USP26: variants seen among roughly 807,000 people sequenced by gnomAD.
USP26 encodes the protein ubiquitin specific peptidase 26.
For missense variants in USP26, 649 were observed against 642.3 expected, an observed-to-expected ratio of 1.01 and a Z score of -0.11; for synonymous variants, 236 against 240.6, an observed-to-expected ratio of 0.98 and a Z score of 0.18.
intron 5 of USP26, among the ~76,000 whole-genome samples, chrX:133,075,180 A>C (rs1049446899): frequency 1.8e-4 from 20 of 111,814 alleles, no homozygotes; most frequent in Middle Eastern, 4.6e-3. Flanking sequence ...GCAAAGCTAG[A>C]ACAAGTTGCA....
intron 5 of USP26, among the ~76,000 whole-genome samples, chrX:133,058,430 G>A (rs1011178059): frequency 3.7e-4 from 41 of 111,576 alleles, no homozygotes; most frequent in African/African-American, 1.3e-3. Context: ...AGTTCTATCA[G>A]CTTTTGTCTT....
intron 5 of USP26, among the ~76,000 whole-genome samples, chrX:133,083,173 C>T (rs2067575886): frequency 8.9e-6 from 1 of 111,924 alleles, no homozygotes; most frequent in African/African-American, 3.2e-5. Flanking sequence ...ATTATCAACT[C>T]CTCTGGAATA....
chrX:133,083,248 T>A (rs1454792113), intron 5 of USP26, among the ~76,000 whole-genome samples: 4 of 112,206 alleles, frequency 3.6e-5, no homozygotes. Flanking sequence ...CTCTGTGATC[T>A]CTTGATATTT....
Position 133,025,478 on chromosome X carries a change from C to T in USP26, c.*1G>A. ...TCTGTACAAGGAGGAGTACGTTCCTCTTATTCCTTCTGAAGGGTCTCCTCT... is the reference window on the plus strand; with the variant it reads ...TCTGTACAAGGAGGAGTACGTTCCTTTTATTCCTTCTGAAGGGTCTCCTCT... On this transcript the variant is annotated 3_prime_UTR_variant, in exon 6 of 6. Coordinates refer to ENST00000511190, the MANE Select transcript of USP26 (RefSeq NM_031907.3). 5 of 1,211,068 alleles carry T rather than the reference C, an allele frequency of 4.1e-6. No homozygotes were observed. Among genetic ancestry groups the T allele is most frequent in the Non-Finnish European group, 5.6e-6 (5 of 895,310 alleles).
intron 5 of USP26, among the ~76,000 whole-genome samples, chrX:133,031,227 G>A (rs2067375245): frequency 8.9e-6 from 1 of 112,198 alleles, no homozygotes; most frequent in Non-Finnish European, 1.9e-5. Context: ...CATGAATGCA[G>A]TAAGTGGAAA....
chrX:133,067,107 A>AACAG (rs1458376833), intron 5 of USP26, among the ~76,000 whole-genome samples: 1 of 112,744 alleles, frequency 8.9e-6, no homozygotes, highest in African/African-American at 3.2e-5. Flanking sequence ...TTATGCAGCC[A>AACAG]ACAGACATAT....
At chrX:133,049,302 G>C (rs750132251) in intron 5 of USP26, among the ~76,000 whole-genome samples, 3 of 111,484 alleles carry the variant, frequency 2.7e-5, no homozygotes, top group Non-Finnish European at 5.7e-5. Flanking sequence ...TAAGCCTATG[G>C]GTAAATTACT....
At chrX:133,035,877 G>C (rs1389451140) in intron 5 of USP26, among the ~76,000 whole-genome samples, 1 of 112,300 alleles carries the variant, frequency 8.9e-6, no homozygotes, top group Non-Finnish European at 1.9e-5. Context: ...TACCAGTTGA[G>C]GCTGAGTGCG....
chrX:133,089,905 T>C (rs1264664549), intron 4 of USP26, among the ~76,000 whole-genome samples: 2 of 111,706 alleles, frequency 1.8e-5, no homozygotes, highest in African/African-American at 3.2e-5. Flanking sequence ...GTAGGAGGAC[T>C]GCTTGAGCCT....
chrX:133,064,776 G>A (rs1018723913), intron 5 of USP26, among the ~76,000 whole-genome samples: 3 of 111,722 alleles, frequency 2.7e-5, no homozygotes, highest in Non-Finnish European at 5.6e-5. Context: ...CAGAAAGTGG[G>A]AAAGATCTAA....
intron 5 of USP26, among the ~76,000 whole-genome samples, chrX:133,063,046 A>T (rs759476424): frequency 9.0e-6 from 1 of 111,497 alleles, no homozygotes; most frequent in South Asian, 3.8e-4. Context: ...GACCTGATGG[A>T]GCTGAAAAAC....
chrX:133,027,545 CTT>C lies in USP26; in HGVS notation c.674_675del (p.Lys225ArgfsTer6). The stretch of plus-strand genomic sequence containing the variant: ...TCCAATTTCTTATTCTCTTCTAACT[CTT>C]TTAACTTCAATTGTTTCTCTCGATT... Reference protein sequence around the residue: ...SYNREKQLKLKELEENKKLEC... With the variant: ...SYNREKQLKLXELEENKKLEC... On this transcript the variant is annotated frameshift_variant, in exon 6 of 6. Coordinates refer to ENST00000511190, the MANE Select transcript of USP26 (RefSeq NM_031907.3). LOFTEE classifies it low-confidence loss of function (END_TRUNC). 1 of 1,209,862 alleles carries C rather than the reference CTT, an allele frequency of 8.3e-7. No individual in the cohort carries two copies. The highest frequency in any genetic ancestry group is 1.1e-6 in the Non-Finnish European group (1 of 894,300).
At chrX:133,073,246 A>G (rs1036283036) in intron 5 of USP26, among the ~76,000 whole-genome samples, 15 of 108,469 alleles carry the variant, frequency 1.4e-4, no homozygotes, top group African/African-American at 5.0e-4. Context: ...AATGTCCTCA[A>G]TCTACTCTAT....
At chrX:133,096,383 A>G (rs916898238) in intron 1 of USP26, among the ~76,000 whole-genome samples, 2 of 111,628 alleles carry the variant, frequency 1.8e-5, no homozygotes, top group African/African-American at 3.3e-5. Flanking sequence ...CAATTCCTGC[A>G]CTGACCAGAC....
At chrX:133,096,719 T>C (rs927457075) in intron 1 of USP26, among the ~76,000 whole-genome samples, 3 of 110,549 alleles carry the variant, frequency 2.7e-5, no homozygotes, top group African/African-American at 9.9e-5. Context: ...ATATGGTGAA[T>C]CTCTGTCTCT....
chrX:133,071,373 G>A, intron 5 of USP26, among the ~76,000 whole-genome samples: 1 of 111,010 alleles, frequency 9.0e-6, no homozygotes, highest in Non-Finnish European at 1.9e-5. Flanking sequence ...AATGTTTTCA[G>A]TACAGCCTAT....
chrX:133,035,578 T>C (rs1003706344), intron 5 of USP26, among the ~76,000 whole-genome samples: 7 of 111,948 alleles, frequency 6.3e-5, no homozygotes, highest in Non-Finnish European at 1.1e-4. Context: ...TTTTCATCTG[T>C]GGAGACTAAT....
intron 5 of USP26, among the ~76,000 whole-genome samples, chrX:133,057,858 A>T (rs1431536750): frequency 4.9e-5 from 1 of 20,558 alleles, no homozygotes. Flanking sequence ...ATATATATAT[A>T]TATATATATT....
intron 5 of USP26, among the ~76,000 whole-genome samples, chrX:133,047,658 A>G (rs1318694247): frequency 1.8e-5 from 2 of 111,756 alleles, no homozygotes; most frequent in African/African-American, 6.5e-5. Flanking sequence ...AAGTGATGGT[A>G]GAAGGAGGTG....
Sources: allele counts gnomAD v4.1 joint callset (sites outside exome capture counted in the v4.1 genomes callset), GRCh38; gene constraint gnomAD v4.1.1; transcripts MANE v1.5; gene names NCBI Gene and HGNC (gene_info 2026-07-23, HGNC 2026-07-21).